Variants in THSD7B observed in about 807,000 individuals in gnomAD.
THSD7B encodes the protein thrombospondin type-1 domain-containing protein 7B.
A neutral mutation model predicts 213.6 loss-of-function variants in THSD7B; 138 were observed. The ratio of observed to expected loss-of-function variants is 0.65; its 90% CI spans 0.56 to 0.74. THSD7B has a LOEUF of 0.74. Ranked by LOEUF, THSD7B falls within the 30% of genes least tolerant of loss-of-function variation. The probability of loss-of-function intolerance (pLI) is 0.00; values close to 1 mark genes in which losing one functional copy is unlikely to be tolerated. For missense variants in THSD7B, 1,931 were observed against 1,991.5 expected (o/e 0.97, Z 0.58); for synonymous variants, 742 against 687.0 (o/e 1.08, Z -1.25).
At chr2:137,362,251 A>G (rs969927559) in intron 12 of THSD7B, among the ~76,000 whole-genome samples, 5 of 152,250 alleles carry the variant, frequency 3.3e-5, no homozygotes, top group Admixed American at 3.3e-4. Flanking sequence ...CGTGGAAAGT[A>G]ACAACCAGTA....
intron 7 of THSD7B, among the ~76,000 whole-genome samples, chr2:137,229,736 G>A (rs1339046028): frequency 1.3e-5 from 2 of 152,120 alleles, no homozygotes; most frequent in Admixed American, 6.5e-5. Flanking sequence ...GTAAGCATGA[G>A]CAAACTTTCC....
intron 2 of THSD7B, among the ~76,000 whole-genome samples, chr2:137,051,733 C>T (rs975957338): frequency 2.0e-5 from 3 of 152,090 alleles, no homozygotes; most frequent in Non-Finnish European, 4.4e-5. Context: ...GCAAACATCT[C>T]TTCTTATTGC....
intron 12 of THSD7B, among the ~76,000 whole-genome samples, chr2:137,369,051 C>G (rs1573988460): frequency 7.2e-6 from 1 of 138,672 alleles, no homozygotes; most frequent in East Asian, 2.1e-4. Flanking sequence ...CACACCCAAG[C>G]CACTTACTTT....
chr2:137,244,718 C>A (rs1681986785), intron 10 of THSD7B, among the ~76,000 whole-genome samples: 1 of 152,132 alleles, frequency 6.6e-6, no homozygotes, highest in Non-Finnish European at 1.5e-5. Flanking sequence ...CACAGCTTGG[C>A]AGTCAGGGAC....
intron 1 of THSD7B, among the ~76,000 whole-genome samples, chr2:136,806,267 C>A (rs1012434397): frequency 1.1e-4 from 16 of 152,178 alleles, no homozygotes; most frequent in African/African-American, 3.1e-4. Context: ...TTGGACAGTG[C>A]GGGCTCTGGA....
At chr2:137,065,222 A>G (rs1053078362) in intron 3 of THSD7B, among the ~76,000 whole-genome samples, 6 of 151,704 alleles carry the variant, frequency 4.0e-5, no homozygotes, top group Admixed American at 1.3e-4. Context: ...CATTGTAGAG[A>G]TCTTTCACTT....
intron 3 of THSD7B, among the ~76,000 whole-genome samples, chr2:137,068,279 G>A (rs540628877): frequency 5.0e-4 from 76 of 152,164 alleles, no homozygotes; most frequent in African/African-American, 1.6e-3. Context: ...TCTAGACAGC[G>A]TATTGAACCA....
chr2:137,296,944 T>A (rs1683479656), intron 12 of THSD7B, among the ~76,000 whole-genome samples: 1 of 152,060 alleles, frequency 6.6e-6, no homozygotes, highest in Non-Finnish European at 1.5e-5. Flanking sequence ...TCTTTCTAAT[T>A]GGCATAAGAG....
intron 15 of THSD7B, among the ~76,000 whole-genome samples, chr2:137,498,831 G>A (rs1679635146): frequency 6.6e-6 from 1 of 152,186 alleles, no homozygotes; most frequent in African/African-American, 2.4e-5. Context: ...AGGCCTAAGT[G>A]AGAGTGAGCT....
intron 12 of THSD7B, among the ~76,000 whole-genome samples, chr2:137,295,734 A>G (rs1489369457): frequency 6.6e-6 from 1 of 152,094 alleles, no homozygotes. Context: ...TCATCCTCCC[A>G]AAGTGCTGGG....
chr2:137,003,965 C>T (rs1023079165), intron 2 of THSD7B, among the ~76,000 whole-genome samples: 1 of 152,128 alleles, frequency 6.6e-6, no homozygotes, highest in Admixed American at 6.5e-5. Context: ...AAAACCCAAA[C>T]CTATCTTTTC....
At chr2:137,435,489 C>T (rs968960268) in intron 14 of THSD7B, among the ~76,000 whole-genome samples, 2 of 152,160 alleles carry the variant, frequency 1.3e-5, no homozygotes, top group Non-Finnish European at 2.9e-5. Context: ...ACTGTTTTCT[C>T]CATTCCAGCC....
chr2:137,365,594 AC>A (rs1685388719), intron 12 of THSD7B, among the ~76,000 whole-genome samples: 1 of 152,246 alleles, frequency 6.6e-6, no homozygotes, highest in Non-Finnish European at 1.5e-5. Flanking sequence ...ATGAACAGAC[AC>A]TTTTCAAAAG....
chr2:137,459,452 G>A (rs903958094), intron 15 of THSD7B, among the ~76,000 whole-genome samples: 1 of 152,074 alleles, frequency 6.6e-6, no homozygotes, highest in Middle Eastern at 3.2e-3. Context: ...GATCACCTGA[G>A]GTCAGGAGTT....
At chr2:137,646,415 G>T (rs1274115424) in intron 21 of THSD7B, among the ~76,000 whole-genome samples, 2 of 149,262 alleles carry the variant, frequency 1.3e-5, no homozygotes, top group African/African-American at 5.0e-5. Flanking sequence ...GCCGAGGAGG[G>T]TGAATCACTT....
chr2:137,630,844 TA>T (rs1682727481), intron 20 of THSD7B, among the ~76,000 whole-genome samples: 1 of 152,202 alleles, frequency 6.6e-6, no homozygotes, highest in South Asian at 2.1e-4. Context: ...GCATGCGAGT[TA>T]CCTGGGAGTC....
At position 137,548,538 on chromosome 2, in the gene THSD7B, T is replaced by C. The variant is rs369950356; in HGVS notation, c.3139-14683T>C. ...TATTTGGAATATCTCACAATATAAA[T>C]CTCAGAAGTCTTAGTAACTCTCATT... On this transcript the variant is annotated intron_variant, in intron 15 of 27. Transcript: ENST00000409968. Among the ~76,000 whole-genome samples, 72 of 152,114 alleles carry C rather than the reference T, an allele frequency of 4.7e-4. No homozygotes were observed. In the South Asian group the frequency reaches 0.015, roughly 31 times the overall value.
In THSD7B at chr2:137,009,262, C is replaced by T. The variant is rs78786067; in HGVS notation, c.140-47158C>T. On this transcript the variant is annotated intron_variant, in intron 2 of 27. Transcript: ENST00000409968. Reference sequence around the variant, plus strand: ...TATCATATACTATTGTCGTTATTTGCCTGCCTTGAATCATTGAAGGCAGGA... The same window carrying T: ...TATCATATACTATTGTCGTTATTTGTCTGCCTTGAATCATTGAAGGCAGGA... 7.9e-3 allele frequency among the ~76,000 whole-genome samples: 1,199 copies of T among 152,222 alleles called. 21 individuals are homozygous for T. The highest frequency in any genetic ancestry group is 0.014 in the Middle Eastern group (4 of 294).
chr2:137,603,141 C>T (rs1001354959), intron 17 of THSD7B, among the ~76,000 whole-genome samples: 1 of 152,168 alleles, frequency 6.6e-6, no homozygotes, highest in Admixed American at 6.5e-5. Flanking sequence ...ATGAACGCCT[C>T]CCCTCGCCTG....
Sources: gnomAD v4.1 joint callset for allele counts (sites outside exome capture counted in the v4.1 genomes callset) on GRCh38, gnomAD v4.1.1 for gene constraint, MANE v1.5 for transcripts, NCBI Gene and HGNC (gene_info 2026-07-23, HGNC 2026-07-21) for gene names.